The following KLHL18 variants were observed in gnomAD, a reference collection of about 807,000 sequenced individuals.
The protein encoded by KLHL18 is kelch like family member 18, also known as kelch-like protein 18.
KLHL18 carries 38 observed loss-of-function variants against 58.5 expected under a neutral mutation model. That is an observed-to-expected ratio of 0.65 (90% confidence interval 0.50 to 0.85). The LOEUF is 0.85. Among genes scored for constraint, KLHL18 ranks in the 40% least tolerant of loss-of-function variants. KLHL18 has a pLI of 0.00. For missense variants in KLHL18, 624 were observed against 778.4 expected, an observed-to-expected ratio of 0.80 and a Z score of 2.36; for synonymous variants, 303 against 301.9, an observed-to-expected ratio of 1.00 and a Z score of -0.04.
At chr3:47,313,547 C>T (rs369286302) in intron 1 of KLHL18, among the ~76,000 whole-genome samples, 1 of 152,092 alleles carries the variant, frequency 6.6e-6, no homozygotes, top group Non-Finnish European at 1.5e-5. Flanking sequence ...CCCAGTTTCT[C>T]CCAGTGGTAA....
intron 3 of KLHL18, among the ~76,000 whole-genome samples, chr3:47,327,674 GT>G (rs1262938271): frequency 6.6e-6 from 1 of 152,174 alleles, no homozygotes; most frequent in Non-Finnish European, 1.5e-5. Context: ...CTCTGCTTAT[GT>G]TTCTGTGCTC....
At chr3:47,327,238 C>CA (rs983449529) in intron 3 of KLHL18, among the ~76,000 whole-genome samples, 54 of 148,568 alleles carry the variant, frequency 3.6e-4, no homozygotes, top group Non-Finnish European at 7.0e-4. Context: ...GACTCCGTCT[C>CA]AAAAAAAACA....
At chr3:47,305,053 A>G (rs1284001670) in intron 1 of KLHL18, among the ~76,000 whole-genome samples, 1 of 151,846 alleles carries the variant, frequency 6.6e-6, no homozygotes, top group Non-Finnish European at 1.5e-5. Context: ...AAAAAAACCC[A>G]TAATGTCATC....
intron 2 of KLHL18, among the ~76,000 whole-genome samples, chr3:47,321,232 GATCTGGGCTCA>G (rs1298440179): frequency 6.6e-6 from 1 of 151,944 alleles, no homozygotes; most frequent in Non-Finnish European, 1.5e-5. Flanking sequence ...GCAGTGGTGT[GATCTGGGCTCA>G]CTGCAACCTC....
intron 1 of KLHL18, among the ~76,000 whole-genome samples, chr3:47,284,337 C>CTT (rs767276527): frequency 0.092 from 11,631 of 127,024 alleles, 902 homozygotes; most frequent in East Asian, 0.27. Context: ...TTTCTTTTTT[C>CTT]TTTTTTTTTT....
chr3:47,331,857 A>C (rs1207152934), intron 4 of KLHL18, among the ~76,000 whole-genome samples: 1 of 151,764 alleles, frequency 6.6e-6, no homozygotes. Context: ...TGTTGGAATG[A>C]TGTTCTGGAA....
In KLHL18 at chr3:47,340,648, G is replaced by A. The variant is rs191251598; in HGVS notation, c.1198G>A (p.Val400Met). ...CGATGGCAACTCTTCCCTCAGCTCCGTGGAGACCTACTCACCTGAGACGGA... is the reference window on the plus strand; with the variant it reads ...CGATGGCAACTCTTCCCTCAGCTCCATGGAGACCTACTCACCTGAGACGGA... ...GYDGNSSLSS[V>M]ETYSPETDKW... is the part of the protein sequence containing the mutation. The change falls in exon 8 of 10, where the codon GTG becomes ATG. Residue 400 changes from valine (V) to methionine (M), a missense_variant. By Grantham distance (21) the Val-to-Met change is conservative (BLOSUM62 1). Transcript: ENST00000232766. The A allele has an allele frequency of 2.7e-5, 43 of 1,613,942 alleles. No individual in the cohort carries two copies. The highest frequency in any genetic ancestry group is 6.6e-5 in the South Asian group (6 of 91,068).
chr3:47,297,323 A>G (rs999554670), intron 1 of KLHL18, among the ~76,000 whole-genome samples: 1 of 152,216 alleles, frequency 6.6e-6, no homozygotes, highest in African/African-American at 2.4e-5. Context: ...TGGTAGTACT[A>G]TATGAACCTG....
chr3:47,309,087 G>C (rs1397193635), intron 1 of KLHL18, among the ~76,000 whole-genome samples: 1 of 152,206 alleles, frequency 6.6e-6, no homozygotes, highest in Non-Finnish European at 1.5e-5. Context: ...CGGGTTGGGG[G>C]TAAGCTCATA....
chr3:47,312,518 CTT>C (rs1385697294), intron 1 of KLHL18, among the ~76,000 whole-genome samples: 2 of 152,056 alleles, frequency 1.3e-5, no homozygotes, highest in African/African-American at 4.8e-5. Context: ...GTTCACATGT[CTT>C]TGCCACCTTA....
intron 3 of KLHL18, among the ~76,000 whole-genome samples, chr3:47,328,324 C>A (rs1703773047): frequency 6.6e-6 from 1 of 151,760 alleles, no homozygotes; most frequent in African/African-American, 2.4e-5. Flanking sequence ...CATAATTGCA[C>A]CACTACACTA....
At chr3:47,340,526 C>T (rs942904067) in intron 7 of KLHL18, 46 bp from the exon 8 acceptor site, 10 of 1,612,588 alleles carry the variant, frequency 6.2e-6, no homozygotes, top group Non-Finnish European at 8.5e-6. Context: ...GAGGCTGCTC[C>T]AGGAAGGCTG....
chr3:47,306,060 T>A (rs1559491113), intron 1 of KLHL18, among the ~76,000 whole-genome samples: 1 of 152,030 alleles, frequency 6.6e-6, no homozygotes, highest in Non-Finnish European at 1.5e-5. Flanking sequence ...ATTTCATTGA[T>A]TTCTGCTCCT....
rs565982681 is a variant in KLHL18 at position 47,342,781 on chromosome 3, G to T, written c.1289G>T (p.Gly430Val). 3 of 1,614,196 alleles carry T rather than the reference G, an allele frequency of 1.9e-6. No individual in the cohort carries two copies. The highest frequency in any genetic ancestry group is 1.7e-5 in the Admixed American group (1 of 60,024). ...GCTGCTGGGGTTACAGTCTTTGAGG[G>T]CAGGATATATGTGTCAGGCGGCCAT... ...RSAAGVTVFE[G>V]RIYVSGGHDG... is the part of the protein sequence containing the mutation. Residue 430 changes from glycine (G) to valine (V), a missense_variant, in exon 9 of 10, where the codon GGC (glycine) becomes GTC (valine). Transcript: ENST00000232766.
At chr3:47,333,998 A>G (rs1703927179) in intron 5 of KLHL18, among the ~76,000 whole-genome samples, 1 of 152,184 alleles carries the variant, frequency 6.6e-6, no homozygotes, top group African/African-American at 2.4e-5. Context: ...AAAACTTTAC[A>G]CACATTCAGC....
intron 1 of KLHL18, among the ~76,000 whole-genome samples, chr3:47,315,695 A>G (rs1703404362): frequency 6.6e-6 from 1 of 152,248 alleles, no homozygotes; most frequent in South Asian, 2.1e-4. Context: ...CCCCTAGCCA[A>G]GTGTCACCAG....
chr3:47,286,577 G>A (rs1702681064), intron 1 of KLHL18, among the ~76,000 whole-genome samples: 1 of 152,134 alleles, frequency 6.6e-6, no homozygotes, highest in Non-Finnish European at 1.5e-5. Flanking sequence ...CTGGTTGTTG[G>A]ACCTCACCCA....
Position 47,330,578 on chromosome 3 carries a change from C to T in KLHL18, c.600+429C>T, listed in dbSNP as rs144767727. Among the ~76,000 whole-genome samples the T allele has an allele frequency of 4.7e-3, 719 of 152,266 alleles. 8 individuals are homozygous for T. Among genetic ancestry groups the T allele is most frequent in the African/African-American group, 0.017 (698 of 41,540 alleles). On this transcript the variant is annotated intron_variant, in intron 4 of 9. Coordinates refer to ENST00000232766, the MANE Select transcript of KLHL18 (RefSeq NM_025010.5). ...AAGTGCTGGGATTATAGGCGTGAGC[C>T]ACCGCACCTGGCCTCCATACATTTT...
intron 1 of KLHL18, among the ~76,000 whole-genome samples, chr3:47,293,037 C>G (rs1702823626): frequency 6.6e-6 from 1 of 151,788 alleles, no homozygotes; most frequent in Non-Finnish European, 1.5e-5. Context: ...TACAAAAGGA[C>G]AAATGTTGTG....
Sources: allele counts gnomAD v4.1 joint callset (sites outside exome capture counted in the v4.1 genomes callset), GRCh38; gene constraint gnomAD v4.1.1; transcripts MANE v1.5; gene names NCBI Gene and HGNC (gene_info 2026-07-23, HGNC 2026-07-21).